SPAG16: variants seen among roughly 807,000 people sequenced by gnomAD.
SPAG16 encodes the protein sperm-associated antigen 16 protein.
In SPAG16, 86 loss-of-function variants were observed where a neutral mutation model predicts 80.4. The ratio of observed to expected loss-of-function variants is 1.07; its 90% CI spans 0.90 to 1.28. The LOEUF is 1.28. Ranked by LOEUF, SPAG16 falls within the 50% of genes most tolerant of loss-of-function variation. The probability of loss-of-function intolerance (pLI) is 0.00; values close to 1 mark genes in which losing one functional copy is unlikely to be tolerated. For synonymous variants in SPAG16, 294 were observed against 265.9 expected (o/e 1.11, Z -1.03); for missense variants, 870 against 765.3 (o/e 1.14, Z -1.61).
intron 10 of SPAG16, among the ~76,000 whole-genome samples, chr2:213,731,500 G>C (rs2067041622): frequency 1.3e-5 from 2 of 151,234 alleles, no homozygotes; most frequent in Non-Finnish European, 2.9e-5. Context: ...TTAAGTTCAG[G>C]GGTACATGTG....
chr2:214,273,126 T>C (rs1456483600), intron 15 of SPAG16, among the ~76,000 whole-genome samples: 1 of 152,214 alleles, frequency 6.6e-6, no homozygotes, highest in African/African-American at 2.4e-5. Context: ...TTTGCACACT[T>C]TTTGATGGGG....
At chr2:213,429,763 T>C (rs1000933358) in intron 9 of SPAG16, among the ~76,000 whole-genome samples, 2 of 152,282 alleles carry the variant, frequency 1.3e-5, no homozygotes, top group African/African-American at 4.8e-5. Flanking sequence ...TCTTTGCCGT[T>C]GAACACACCT....
chr2:213,626,183 C>A (rs931160442), intron 10 of SPAG16, among the ~76,000 whole-genome samples: 1 of 151,970 alleles, frequency 6.6e-6, no homozygotes. Flanking sequence ...AAAGAAAAAT[C>A]AGAAACCAGA....
intron 15 of SPAG16, among the ~76,000 whole-genome samples, chr2:214,327,316 A>C (rs1912184): frequency 0.19 from 28,667 of 152,190 alleles, 2,960 homozygotes; most frequent in East Asian, 0.33. Context: ...AAGACAGACA[A>C]GGATTTGAAT....
chr2:213,388,970 G>T (rs1375384495), intron 9 of SPAG16, among the ~76,000 whole-genome samples: 1 of 152,050 alleles, frequency 6.6e-6, no homozygotes, highest in Non-Finnish European at 1.5e-5. Context: ...AAACAATCTT[G>T]CAAAAGAAGA....
intron 15 of SPAG16, among the ~76,000 whole-genome samples, chr2:214,350,872 A>C (rs1177835326): frequency 6.6e-6 from 1 of 152,164 alleles, no homozygotes; most frequent in Non-Finnish European, 1.5e-5. Flanking sequence ...AATTTCTAAA[A>C]TGAATCCATG....
chr2:214,401,393 A>C (rs774131817), intron 15 of SPAG16, among the ~76,000 whole-genome samples: 6 of 151,924 alleles, frequency 3.9e-5, no homozygotes, highest in Non-Finnish European at 7.4e-5. Context: ...TTATTCATCA[A>C]AGTTTCTCTT....
chr2:213,413,687 G>T (rs1462686047), intron 9 of SPAG16, among the ~76,000 whole-genome samples: 2 of 152,136 alleles, frequency 1.3e-5, no homozygotes, highest in Admixed American at 1.3e-4. Context: ...ACAAAAAATT[G>T]TTAAGTTGGT....
At chr2:214,173,332 C>T (rs1460439910) in intron 15 of SPAG16, among the ~76,000 whole-genome samples, 4 of 152,082 alleles carry the variant, frequency 2.6e-5, no homozygotes, top group African/African-American at 9.6e-5. Flanking sequence ...CCAGTTTTCC[C>T]AGCACCATTT....
chr2:214,378,028 A>AGAT, intron 15 of SPAG16, among the ~76,000 whole-genome samples: 1 of 152,256 alleles, frequency 6.6e-6, no homozygotes, highest in East Asian at 1.9e-4. Context: ...CCGAGAAAGG[A>AGAT]GATGTGGTGA....
chr2:213,711,332 T>C (rs550051734), intron 10 of SPAG16, among the ~76,000 whole-genome samples: 27 of 152,110 alleles, frequency 1.8e-4, no homozygotes, highest in Non-Finnish European at 3.5e-4. Context: ...CTAAAGATCA[T>C]TTAGAAAATG....
chr2:213,503,459 C>A (rs895105444), intron 10 of SPAG16, among the ~76,000 whole-genome samples: 1 of 152,142 alleles, frequency 6.6e-6, no homozygotes. Context: ...AAGCAACAGC[C>A]CCATTGCTCC....
chr2:213,673,553 A>G (rs1018696153), intron 10 of SPAG16, among the ~76,000 whole-genome samples: 1 of 152,196 alleles, frequency 6.6e-6, no homozygotes. Context: ...CTGCAAGACC[A>G]TTGAGTCAAG....
chr2:213,346,282 C>A (rs2064984356), intron 6 of SPAG16, among the ~76,000 whole-genome samples: 1 of 152,154 alleles, frequency 6.6e-6, no homozygotes, highest in African/African-American at 2.4e-5. Context: ...AGATTTTGGG[C>A]TGAGACAGTG....
chr2:214,294,941 A>T (rs1357481380), intron 15 of SPAG16, among the ~76,000 whole-genome samples: 1 of 152,210 alleles, frequency 6.6e-6, no homozygotes, highest in African/African-American at 2.4e-5. Context: ...TATTTCACAG[A>T]ATACAAAATT....
In SPAG16 at chr2:213,846,288, C is replaced by T. The variant is rs1203642052; in HGVS notation, c.1071-16197C>T. Among the ~76,000 whole-genome samples the T allele has an allele frequency of 3.3e-5, 5 of 152,018 alleles. No homozygotes were observed. In the East Asian group the frequency reaches 5.8e-4, roughly 18 times the overall value. On this transcript the variant is annotated intron_variant, in intron 10 of 15. Coordinates refer to ENST00000331683, the MANE Select transcript of SPAG16 (RefSeq NM_024532.5). ...AAGATTGAGAACTTATAAGTACATA[C>T]ATAAGTATAAATTATATATAATGTA... is the stretch of plus-strand genomic sequence containing the variant.
At chr2:214,138,127 C>T (rs2055158230) in intron 14 of SPAG16, among the ~76,000 whole-genome samples, 1 of 151,996 alleles carries the variant, frequency 6.6e-6, no homozygotes, top group African/African-American at 2.4e-5. Context: ...TTTACATTTA[C>T]ATGAGGATTT....
At chr2:214,224,075 G>GTCTC (rs2058645184) in intron 15 of SPAG16, among the ~76,000 whole-genome samples, 2 of 152,172 alleles carry the variant, frequency 1.3e-5, no homozygotes, top group Non-Finnish European at 1.5e-5. Context: ...TGGGGCTGTA[G>GTCTC]TCTCCTTGGC....
intron 12 of SPAG16, among the ~76,000 whole-genome samples, chr2:213,978,907 G>GA (rs1169827855): frequency 6.6e-6 from 1 of 151,700 alleles, no homozygotes; most frequent in Non-Finnish European, 1.5e-5. Flanking sequence ...CTTCCTATAA[G>GA]AAAAAAACGA....
Sources: gnomAD v4.1 joint callset for allele counts (sites outside exome capture counted in the v4.1 genomes callset) on GRCh38, gnomAD v4.1.1 for gene constraint, MANE v1.5 for transcripts, NCBI Gene and HGNC (gene_info 2026-07-23, HGNC 2026-07-21) for gene names.